The following CYP2C19 variants were observed in gnomAD, a reference collection of about 807,000 sequenced individuals.
CYP2C19 encodes cytochrome P450 2C19.
A neutral mutation model predicts 40.9 loss-of-function variants in CYP2C19; 59 were observed. That is an observed-to-expected ratio of 1.44 (90% CI 1.17 to 1.79). The LOEUF (loss-of-function observed/expected upper bound fraction) is 1.79, where lower values mean the gene tolerates loss of function less well. Among genes scored for constraint, CYP2C19 ranks in the 40% most tolerant of loss-of-function variants. CYP2C19 has a pLI of 0.00. For synonymous variants in CYP2C19, 253 were observed against 208.7 expected, an observed-to-expected ratio of 1.21 and a Z score of -1.83; for missense variants, 754 against 596.9, an observed-to-expected ratio of 1.26 and a Z score of -2.74.
At chr10:94,806,452 A>G (rs1848837578) in intron 5 of CYP2C19, among the ~76,000 whole-genome samples, 1 of 151,852 alleles carries the variant, frequency 6.6e-6, no homozygotes, top group South Asian at 2.1e-4. Flanking sequence ...TGGTAATTCT[A>G]TTTCTAATTC....
chr10:94,845,330 A>C (rs1032285636), intron 7 of CYP2C19, among the ~76,000 whole-genome samples: 5 of 152,224 alleles, frequency 3.3e-5, no homozygotes, highest in African/African-American at 1.2e-4. Flanking sequence ...TATAGAAACA[A>C]ATGTAAATTT....
At chr10:94,790,655 T>A (rs1006810466) in intron 5 of CYP2C19, among the ~76,000 whole-genome samples, 14 of 152,168 alleles carry the variant, frequency 9.2e-5, no homozygotes, top group African/African-American at 3.4e-4. Flanking sequence ...GTTTATTGAT[T>A]TGCATATGTT....
At chr10:94,782,264 T>A (rs1848489369) in intron 5 of CYP2C19, among the ~76,000 whole-genome samples, 1 of 152,096 alleles carries the variant, frequency 6.6e-6, no homozygotes. Context: ...AAAGCTCTGT[T>A]CTGCAGCTTC....
intron 3 of CYP2C19, 36 bp from the exon 4 acceptor site, chr10:94,780,463 T>C (rs1305625926): frequency 6.2e-7 from 1 of 1,609,216 alleles, no homozygotes; most frequent in East Asian, 2.2e-5. Flanking sequence ...ATATCTAATG[T>C]TTACTCATAT....
intron 5 of CYP2C19, among the ~76,000 whole-genome samples, chr10:94,789,993 A>G (rs1848585822): frequency 1.3e-5 from 2 of 152,118 alleles, no homozygotes; most frequent in Admixed American, 1.3e-4. Context: ...ATGTTCTTGC[A>G]TTTGTTTGTG....
chr10:94,805,620 A>T (rs1006467065), intron 5 of CYP2C19, among the ~76,000 whole-genome samples: 2 of 152,192 alleles, frequency 1.3e-5, no homozygotes, highest in Non-Finnish European at 2.9e-5. Context: ...ATTGTAGATC[A>T]TGCCTGTAAT....
chr10:94,806,711 C>T (rs1358169154), intron 5 of CYP2C19, among the ~76,000 whole-genome samples: 9 of 147,498 alleles, frequency 6.1e-5, no homozygotes, highest in African/African-American at 2.2e-4. Context: ...TATTATATAA[C>T]ATATATAAAA....
chr10:94,777,916 A>G (rs1487469298), intron 3 of CYP2C19, among the ~76,000 whole-genome samples: 1 of 152,206 alleles, frequency 6.6e-6, no homozygotes, highest in African/African-American at 2.4e-5. Context: ...TCTAATATCC[A>G]GAATCCACAA....
chr10:94,823,363 A>G (rs541613986), intron 6 of CYP2C19, among the ~76,000 whole-genome samples: 10 of 152,158 alleles, frequency 6.6e-5, no homozygotes, highest in Non-Finnish European at 1.3e-4. Flanking sequence ...AGTGCCAGAA[A>G]AGACATGAGG....
intron 1 of CYP2C19, 131 bp downstream of exon 1, chr10:94,763,004 TG>T: frequency 2.1e-6 from 2 of 952,560 alleles, no homozygotes; most frequent in Non-Finnish European, 3.2e-6. Context: ...AGGCTTTTGT[TG>T]CCTTTTCCAG....
rs141046276 is a variant in CYP2C19 at position 94,834,239 on chromosome 10, T to C, written c.962-8598T>C. On this transcript the variant is annotated intron_variant, in intron 6 of 8. Transcript: ENST00000371321. ...TGGTTCAATCTCAATAGGTCATATA[T>C]GTCTAAGGATTTGTCCATTTCTTCT... Among the ~76,000 whole-genome samples, 474 of 152,304 alleles carry C rather than the reference T, an allele frequency of 3.1e-3. 3 individuals are homozygous for C. Among genetic ancestry groups the C allele is most frequent in the African/African-American group, 0.011 (451 of 41,578 alleles).
rs1232758514 is a variant in CYP2C19 at position 94,854,902 on chromosome 10, A to G, written c.*1988A>G. Reference sequence around the variant, plus strand: ...ATGGAAAGATACAGATGGAAATTACACATTATACATTTTAAACATTCTTCA... The same window carrying G: ...ATGGAAAGATACAGATGGAAATTACGCATTATACATTTTAAACATTCTTCA... On this transcript the variant is annotated 3_prime_UTR_variant, in exon 9 of 9. Coordinates refer to ENST00000371321, the MANE Select transcript of CYP2C19 (RefSeq NM_000769.4). 6.6e-6 allele frequency among the ~76,000 whole-genome samples: 1 copy of G among 152,202 alleles called. No homozygotes were observed. Among genetic ancestry groups the G allele is most frequent in the Admixed American group, 6.5e-5 (1 of 15,278 alleles).
Position 94,795,766 on chromosome 10 carries a change from A to G in CYP2C19, c.819+13769A>G, listed in dbSNP as rs113847881. ...TCTCTGATGGCCAATGATGATGAAC[A>G]TTTTTTCATGTGTCTTTTGGCTGCA... On this transcript the variant is annotated intron_variant, in intron 5 of 8. Transcript: ENST00000371321. 3.1e-3 allele frequency among the ~76,000 whole-genome samples: 473 copies of G among 152,096 alleles called. 3 individuals carry two copies. Among genetic ancestry groups the G allele is most frequent in the African/African-American group, 0.011 (450 of 41,498 alleles).
chr10:94,845,626 G>A (rs373927682), intron 7 of CYP2C19, among the ~76,000 whole-genome samples: 5 of 152,134 alleles, frequency 3.3e-5, no homozygotes, highest in East Asian at 3.9e-4. Context: ...TCAATGACAT[G>A]TTTCAAATTA....
Position 94,816,269 on chromosome 10 carries a change from T to A in CYP2C19, c.820-4227T>A, listed in dbSNP as rs570229329. On this transcript the variant is annotated intron_variant, in intron 5 of 8. Transcript: ENST00000371321. The stretch of plus-strand genomic sequence containing the variant: ...CTTTTTTTTTTTCTTTATTTTTATT[T>A]TTATTTTTTTTATTTTTATGGCATA... Among the ~76,000 whole-genome samples the A allele has an allele frequency of 4.7e-5, 7 of 150,256 alleles. No individual in the cohort carries two copies. In the Middle Eastern group the frequency reaches 0.014, roughly 294 times the overall value.
intron 6 of CYP2C19, among the ~76,000 whole-genome samples, chr10:94,830,451 A>G (rs899560486): frequency 1.3e-5 from 2 of 152,168 alleles, no homozygotes; most frequent in African/African-American, 4.8e-5. Flanking sequence ...TCTTTGACTC[A>G]GAAAGGGAAC....
chr10:94,816,375 T>G (rs1169317635), intron 5 of CYP2C19, among the ~76,000 whole-genome samples: 3 of 151,956 alleles, frequency 2.0e-5, no homozygotes, highest in Admixed American at 2.0e-4. Flanking sequence ...AACATAAACA[T>G]TTTAGGAACA....
At chr10:94,776,213 T>C (rs1276886913) in intron 3 of CYP2C19, 1 of 152,224 alleles carries the variant, frequency 6.6e-6, no homozygotes, top group Non-Finnish European at 1.5e-5. Context: ...CATAATTCTG[T>C]GAAATACACA....
chr10:94,855,157 A>G lies in CYP2C19; in HGVS notation c.*2243A>G, dbSNP rs1362189073. On this transcript the variant is annotated 3_prime_UTR_variant, in exon 9 of 9. Coordinates refer to ENST00000371321, the MANE Select transcript of CYP2C19 (RefSeq NM_000769.4). ...TTTTGTTACATCTCCTACTCCTACT[A>G]CTCTTATTCTCTCTCCCTTATGTAA... is the stretch of plus-strand genomic sequence containing the variant. Among the ~76,000 whole-genome samples, 1 of 151,526 alleles carries G rather than the reference A, an allele frequency of 6.6e-6. No individual in the cohort carries two copies. Among genetic ancestry groups the G allele is most frequent in the Non-Finnish European group, 1.5e-5 (1 of 67,910 alleles).
Sources: allele counts gnomAD v4.1 joint callset (sites outside exome capture counted in the v4.1 genomes callset), GRCh38; gene constraint gnomAD v4.1.1; transcripts MANE v1.5; gene names NCBI Gene and HGNC (gene_info 2026-07-23, HGNC 2026-07-21).